Variants in SNTG1 observed in about 807,000 individuals in gnomAD.
SNTG1 encodes the protein syntrophin gamma 1.
Under a neutral mutation model 74.7 loss-of-function variants are expected in SNTG1, and 39 were observed. The ratio of observed to expected loss-of-function variants is 0.52; its 90% CI spans 0.40 to 0.68. The LOEUF (loss-of-function observed/expected upper bound fraction) is 0.68, where lower values mean the gene tolerates loss of function less well. Ranked by LOEUF, SNTG1 falls within the 30% of genes least tolerant of loss-of-function variation. The pLI is 0.00. For synonymous variants in SNTG1, 254 were observed against 217.1 expected (o/e 1.17, Z -1.49); for missense variants, 685 against 609.5 (o/e 1.12, Z -1.30).
Position 50,545,803 on chromosome 8 carries a change from G to T in SNTG1, c.681-7247G>T, listed in dbSNP as rs549394604. Among the ~76,000 whole-genome samples, 566 of 152,214 alleles carry T rather than the reference G, an allele frequency of 3.7e-3. 6 individuals are homozygous for T. Among genetic ancestry groups the T allele is most frequent in the African/African-American group, 0.012 (510 of 41,556 alleles). On this transcript the variant is annotated intron_variant, in intron 11 of 18. Transcript: ENST00000642720. ...ATGAAGACGTTTCAGATGGTGACAG[G>T]TTTGGCACTGGTGGATGAAATTTAG...
chr8:49,971,190 C>A (rs909221525), intron 1 of SNTG1, among the ~76,000 whole-genome samples: 1 of 152,148 alleles, frequency 6.6e-6, no homozygotes, highest in African/African-American at 2.4e-5. Flanking sequence ...AGGGCTTCAT[C>A]CCTGGTTTGC....
At chr8:50,608,010 C>A (rs1036933352) in intron 13 of SNTG1, among the ~76,000 whole-genome samples, 6 of 151,454 alleles carry the variant, frequency 4.0e-5, no homozygotes, top group Non-Finnish European at 8.9e-5. Context: ...GTTTTTGGAG[C>A]TCCCCTATTT....
At chr8:50,337,448 G>C (rs1283867805) in intron 2 of SNTG1, among the ~76,000 whole-genome samples, 2 of 152,198 alleles carry the variant, frequency 1.3e-5, no homozygotes, top group East Asian at 3.9e-4. Flanking sequence ...GGTTATCACT[G>C]TAACAATCTG....
rs185146997 is a variant in SNTG1, at chr8:50,034,275, A to G, written c.-103+122044A>G. Among the ~76,000 whole-genome samples the G allele has an allele frequency of 3.1e-3, 470 of 152,360 alleles. 1 individual carries two copies. The highest frequency in any genetic ancestry group is 4.7e-3 in the Non-Finnish European group (323 of 68,034). On this transcript the variant is annotated intron_variant, in intron 1 of 18. Coordinates refer to ENST00000642720, the MANE Select transcript of SNTG1 (RefSeq NM_018967.5). The stretch of plus-strand genomic sequence containing the variant: ...GAAAGCTTTAAAACATGCAAGAAGG[A>G]TAATACAAATCACACTCCTATATTC...
At chr8:50,352,308 T>G (rs2091685488) in intron 2 of SNTG1, among the ~76,000 whole-genome samples, 1 of 152,164 alleles carries the variant, frequency 6.6e-6, no homozygotes, top group African/African-American at 2.4e-5. Flanking sequence ...GAACTTTAAG[T>G]GCTTTCTTTG....
At chr8:50,687,730 C>G (rs113031551) in intron 15 of SNTG1, among the ~76,000 whole-genome samples, 1 of 152,178 alleles carries the variant, frequency 6.6e-6, no homozygotes, top group Non-Finnish European at 1.5e-5. Context: ...CCTCGCCCCA[C>G]CCCACAACAG....
In SNTG1 at chr8:50,088,862, A is replaced by C. The variant is rs977144758; in HGVS notation, c.-102-83699A>C. The stretch of plus-strand genomic sequence containing the variant: ...AATTTACAGATTCAATGCTATCCCC[A>C]TCAGGCTACCAATGACTTTCTTCAC... On this transcript the variant is annotated intron_variant, in intron 1 of 18. Transcript: ENST00000642720. Among the ~76,000 whole-genome samples, 122 of 149,006 alleles carry C rather than the reference A, an allele frequency of 8.2e-4. 1 individual carries two copies. The South Asian group carries it at 0.011, about 13-fold the overall frequency.
chr8:50,202,273 G>A (rs1387152663), intron 2 of SNTG1, among the ~76,000 whole-genome samples: 1 of 152,072 alleles, frequency 6.6e-6, no homozygotes, highest in African/African-American at 2.4e-5. Context: ...GTAGGGCCAT[G>A]TATCCACAAT....
chr8:50,321,681 A>G (rs765724556), intron 2 of SNTG1, among the ~76,000 whole-genome samples: 4 of 151,960 alleles, frequency 2.6e-5, no homozygotes, highest in African/African-American at 7.2e-5. Context: ...CAATATTTGT[A>G]TACTTGTTGT....
chr8:50,077,752 G>T (rs1329085368), intron 1 of SNTG1, among the ~76,000 whole-genome samples: 2 of 152,084 alleles, frequency 1.3e-5, no homozygotes, highest in African/African-American at 2.4e-5. Context: ...TCCAACACCA[G>T]TTATTTTGGT....
intron 2 of SNTG1, among the ~76,000 whole-genome samples, chr8:50,253,436 A>AAATAAATG (rs2086732398): frequency 6.6e-6 from 1 of 151,436 alleles, no homozygotes; most frequent in Admixed American, 6.6e-5. Context: ...ATAAATAAAT[A>AAATAAATG]AATAAATAAA....
chr8:50,693,154 C>A (rs943163476), intron 15 of SNTG1, among the ~76,000 whole-genome samples: 4 of 152,168 alleles, frequency 2.6e-5, no homozygotes, highest in Non-Finnish European at 5.9e-5. Context: ...CCGTCTGTCA[C>A]CCCTTTCTTT....
intron 2 of SNTG1, among the ~76,000 whole-genome samples, chr8:50,277,716 T>C (rs2088196067): frequency 6.6e-6 from 1 of 152,216 alleles, no homozygotes; most frequent in Non-Finnish European, 1.5e-5. Context: ...CAAAAAATCA[T>C]AACCTTTTCT....
chr8:50,309,724 G>A (rs746060087), intron 2 of SNTG1, among the ~76,000 whole-genome samples: 8 of 152,178 alleles, frequency 5.3e-5, no homozygotes, highest in South Asian at 2.1e-4. Flanking sequence ...TCTGAGAGAC[G>A]AAGTGGAGAT....
chr8:50,420,059 A>G (rs1019878941), intron 4 of SNTG1, among the ~76,000 whole-genome samples: 3 of 152,144 alleles, frequency 2.0e-5, no homozygotes, highest in Non-Finnish European at 4.4e-5. Flanking sequence ...AAGTTCTAAC[A>G]TGTATTTGAG....
intron 2 of SNTG1, among the ~76,000 whole-genome samples, chr8:50,209,059 A>G (rs4873131): frequency 0.43 from 65,271 of 151,870 alleles, 17,744 homozygotes; most frequent in African/African-American, 0.78. Context: ...AGAAAATGGC[A>G]CATCAGGAGA....
chr8:50,336,685 G>T (rs1417676619), intron 2 of SNTG1, among the ~76,000 whole-genome samples: 1 of 152,084 alleles, frequency 6.6e-6, no homozygotes, highest in African/African-American at 2.4e-5. Flanking sequence ...TTGTTTGAAG[G>T]CTTAATATGT....
rs941976554 is a variant in SNTG1 at position 50,597,884 on chromosome 8, C to A, written c.849+6967C>A. ...TCTTTTGAGAAATGTCTATTCAGATCTTTTGCCCATTTTAAAATCCAATTA... is the reference window on the plus strand; with the variant it reads ...TCTTTTGAGAAATGTCTATTCAGATATTTTGCCCATTTTAAAATCCAATTA... On this transcript the variant is annotated intron_variant, in intron 13 of 18. Transcript: ENST00000642720. Among the ~76,000 whole-genome samples the A allele has an allele frequency of 2.6e-5, 4 of 152,008 alleles. No homozygotes were observed. The South Asian group carries it at 6.2e-4, about 24-fold the overall frequency.
intron 1 of SNTG1, among the ~76,000 whole-genome samples, chr8:50,093,508 C>T (rs1272072293): frequency 1.3e-5 from 2 of 152,024 alleles, no homozygotes; most frequent in Non-Finnish European, 2.9e-5. Context: ...TCTGTGAAGC[C>T]AAGTGAAATA....
Sources: gnomAD v4.1 joint callset for allele counts (sites outside exome capture counted in the v4.1 genomes callset) on GRCh38, gnomAD v4.1.1 for gene constraint, MANE v1.5 for transcripts, NCBI Gene and HGNC (gene_info 2026-07-23, HGNC 2026-07-21) for gene names.